The following CSNK2A1 variants were observed in gnomAD, a reference collection of about 807,000 sequenced individuals.
CSNK2A1 encodes casein kinase II subunit alpha.
A neutral mutation model predicts 62.9 loss-of-function variants in CSNK2A1; 10 were observed. The observed-to-expected ratio is 0.16, with a 90% CI of 0.10 to 0.27. The LOEUF (loss-of-function observed/expected upper bound fraction) is 0.27. Ranked by LOEUF, CSNK2A1 falls within the 10% of genes least tolerant of loss-of-function variation. CSNK2A1 has a pLI of 1.00. For missense variants in CSNK2A1, 160 were observed against 492.0 expected (o/e 0.33, Z 6.38); for synonymous variants, 124 against 167.8 (o/e 0.74, Z 2.02).
At chr20:532,151 G>A (rs2019224629) in intron 1 of CSNK2A1, among the ~76,000 whole-genome samples, 1 of 151,474 alleles carries the variant, frequency 6.6e-6, no homozygotes, top group Non-Finnish European at 1.5e-5. Context: ...AGTGCTCCCA[G>A]TTTTTCTAAA....
At chr20:524,265 A>G (rs1055212753) in intron 2 of CSNK2A1, among the ~76,000 whole-genome samples, 16 of 151,670 alleles carry the variant, frequency 1.1e-4, no homozygotes, top group African/African-American at 3.9e-4. Context: ...TCTACTAAAA[A>G]TACAAAAATG....
chr20:485,066 C>CAAA (rs1157352244), intron 13 of CSNK2A1, among the ~76,000 whole-genome samples: 3 of 22,032 alleles, frequency 1.4e-4, no homozygotes, highest in Non-Finnish European at 1.5e-4. Flanking sequence ...ACCTTGTCTC[C>CAAA]AAAAAAAAAA....
intron 1 of CSNK2A1, among the ~76,000 whole-genome samples, chr20:536,822 G>A (rs1024143799): frequency 6.6e-6 from 1 of 152,160 alleles, no homozygotes; most frequent in East Asian, 1.9e-4. Flanking sequence ...TGACAGTTTG[G>A]AGATCTTTAG....
At chr20:528,112 T>C (rs2019136274) in intron 1 of CSNK2A1, 63 bp from the exon 2 acceptor site, 2 of 152,188 alleles carry the variant, frequency 1.3e-5, no homozygotes, top group African/African-American at 4.8e-5. Flanking sequence ...CATCATAAGG[T>C]TGCAGAAAGA....
In CSNK2A1 at chr20:511,589, CTTTGT is replaced by C. The variant is rs532488363; in HGVS notation, c.-109-2934_-109-2930del. On this transcript the variant is annotated intron_variant, in intron 2 of 13. Transcript: ENST00000217244. The stretch of plus-strand genomic sequence containing the variant: ...TAAGTGGAATCAGACAATATTTGTC[CTTTGT>C]TTTGTTTATTTAATTTAGCATAATG... Among the ~76,000 whole-genome samples, 35 of 152,102 alleles carry C rather than the reference CTTTGT, an allele frequency of 2.3e-4. 1 individual carries two copies. In the South Asian group the frequency reaches 7.1e-3, roughly 31 times the overall value.
chr20:488,815 CATATT>C, intron 10 of CSNK2A1, 37 bp from the exon 11 acceptor site: 1 of 1,541,536 alleles, frequency 6.5e-7, no homozygotes, highest in Non-Finnish European at 8.9e-7. Context: ...ATATCACAAG[CATATT>C]ATATTAACAA....
At position 489,752 on chromosome 20, in the gene CSNK2A1, A is replaced by C. The variant is rs767358248; in HGVS notation, c.723+28T>G. 3.2e-6 allele frequency: 5 copies of C among 1,586,444 alleles called. No homozygotes were observed. In the African/African-American group the frequency reaches 6.7e-5, roughly 21 times the overall value. Reference sequence around the variant, plus strand: ...GGCTATCATTGCATTAGGCCAGTACATTTTTCAATGGGTATAACATATATT... The same window carrying C: ...GGCTATCATTGCATTAGGCCAGTACCTTTTTCAATGGGTATAACATATATT... On this transcript the variant is annotated intron_variant, in intron 10 of 13. Transcript: ENST00000217244.
intron 7 of CSNK2A1, chr20:496,822 T>A (rs1271658655): frequency 6.6e-6 from 1 of 152,226 alleles, no homozygotes; most frequent in African/African-American, 2.4e-5. Flanking sequence ...ACTTTAGAAA[T>A]GTAAGTAAAT....
intron 1 of CSNK2A1, 124 bp from the exon 2 acceptor site, chr20:528,173 T>A (rs2019137803): frequency 6.6e-6 from 1 of 152,186 alleles, no homozygotes; most frequent in Non-Finnish European, 1.5e-5. Context: ...GATATGTTAT[T>A]TAACCTACCT....
chr20:543,706 C>A lies in CSNK2A1; in HGVS notation c.-261G>T, dbSNP rs868351306. On this transcript the variant is annotated 5_prime_UTR_variant, in exon 1 of 14. Transcript: ENST00000217244. ...AAGCGGCAGCGGCGGCGGCCGCTCT[C>A]CCCTCTGCTCACACAGACAATATGG... 2 of 398,460 alleles carry A rather than the reference C, an allele frequency of 5.0e-6. No homozygotes were observed. Among genetic ancestry groups the A allele is most frequent in the African/African-American group, 2.1e-5 (1 of 48,760 alleles). The allele number at this position is 398,460 out of a possible 1,614,324, so 24.7% of individuals were successfully genotyped here. A position where few individuals can be genotyped will look rare whatever the true frequency, so the allele number is the denominator to read the frequency against.
At chr20:506,659 C>T (rs205882) in intron 3 of CSNK2A1, 75,462 of 151,990 alleles carry the variant, frequency 0.5, 20,685 homozygotes, top group African/African-American at 0.72. Context: ...AAATCAACCA[C>T]CTCAACCATT....
chr20:481,508 GTCTT>G lies in CSNK2A1; in HGVS notation c.*2449_*2452del, dbSNP rs1246241446. The G allele has an allele frequency of 3.4e-5, 4 of 116,364 alleles. No individual in the cohort carries two copies. The highest frequency in any genetic ancestry group is 4.9e-5 in the Non-Finnish European group (3 of 60,894). The allele number at this position is 116,364 out of a possible 1,614,324, so 7.2% of individuals were successfully genotyped here. On this transcript the variant is annotated 3_prime_UTR_variant, in exon 14 of 14. Transcript: ENST00000217244. ...TCCCCCCCACCCCCCACCCAATTGG[GTCTT>G]TTTTTTTTTTCTCTCTCTCCATGCT...
chr20:493,885 C>T (rs932770945), intron 8 of CSNK2A1, among the ~76,000 whole-genome samples: 13 of 152,162 alleles, frequency 8.5e-5, no homozygotes, highest in African/African-American at 3.1e-4. Context: ...TTTCACTAAG[C>T]ATGAGATCCA....
At chr20:508,798 G>A (rs2018657754) in intron 2 of CSNK2A1, 138 bp from the exon 3 acceptor site, 1 of 396,634 alleles carries the variant, frequency 2.5e-6, no homozygotes, top group African/African-American at 2.1e-5. Flanking sequence ...GCTCAACTGT[G>A]TTAACCAGTG....
chr20:533,472 A>C (rs1385074443), intron 1 of CSNK2A1, among the ~76,000 whole-genome samples: 1 of 152,144 alleles, frequency 6.6e-6, no homozygotes, highest in Non-Finnish European at 1.5e-5. Context: ...GTGTGGTGGC[A>C]CACACCTGTA....
intron 13 of CSNK2A1, 116 bp from the exon 14 acceptor site, chr20:484,192 A>C (rs1317511269): frequency 1.2e-6 from 1 of 848,118 alleles, no homozygotes; most frequent in East Asian, 3.3e-5. Context: ...ACTTCCTCTT[A>C]GCTGGATTTT....
intron 1 of CSNK2A1, among the ~76,000 whole-genome samples, chr20:535,759 G>A (rs1168947359): frequency 6.8e-6 from 1 of 147,340 alleles, no homozygotes. Context: ...AAAAAAAAAA[G>A]TTTTAAAGTG....
In CSNK2A1 at chr20:500,634, C is replaced by CTTTTTT. The variant is rs11479834; in HGVS notation, c.214-706_214-701dup. ...ACTGTCTAGCCTGATCACCAATGCT[C>CTTTTTT]TTTTTTTTTTTTTTTTTTTTTTGAG... On this transcript the variant is annotated intron_variant, in intron 4 of 13. Transcript: ENST00000217244. 200 of 130,274 alleles carry CTTTTTT rather than the reference C, an allele frequency of 1.5e-3. 1 individual carries two copies. The highest frequency in any genetic ancestry group is 5.5e-3 in the African/African-American group (186 of 33,758). The allele number at this position is 130,274 out of a possible 1,614,324, so 8.1% of individuals were successfully genotyped here. A position where few individuals can be genotyped will look rare whatever the true frequency, so the allele number is the denominator to read the frequency against.
chr20:478,784 A>T lies in CSNK2A1; in HGVS notation c.*5177T>A. On this transcript the variant is annotated 3_prime_UTR_variant, in exon 14 of 14. Coordinates refer to ENST00000217244, the MANE Select transcript of CSNK2A1 (RefSeq NM_177559.3). ...CTCTACCAAAAAAAAAAAAAAAAAA[A>T]TTAGCCAAGCATGATGGCTCGTGCC... The T allele has an allele frequency of 3.3e-6, 1 of 304,820 alleles. No individual in the cohort carries two copies. Among genetic ancestry groups the T allele is most frequent in the South Asian group, 2.4e-5 (1 of 41,468 alleles). The allele number at this position is 304,820 out of a possible 1,614,324, so 18.9% of individuals were successfully genotyped here. A position where few individuals can be genotyped will look rare whatever the true frequency, so the allele number is the denominator to read the frequency against.
Sources: allele counts gnomAD v4.1 joint callset (sites outside exome capture counted in the v4.1 genomes callset), GRCh38; gene constraint gnomAD v4.1.1; transcripts MANE v1.5; gene names NCBI Gene and HGNC (gene_info 2026-07-23, HGNC 2026-07-21).